The following CIC variants were observed in gnomAD, a reference collection of about 807,000 sequenced individuals.
CIC encodes capicua transcriptional repressor.
A neutral mutation model predicts 115.7 loss-of-function variants in CIC; 18 were observed. The observed-to-expected ratio is 0.16, with a 90% CI of 0.11 to 0.23. CIC has a LOEUF of 0.23. Among genes scored for constraint, CIC ranks in the 10% least tolerant of loss-of-function variants. The probability of loss-of-function intolerance (pLI) is 1.00; values close to 1 mark genes in which losing one functional copy is unlikely to be tolerated. For synonymous variants in CIC, 1,076 were observed against 923.0 expected, an observed-to-expected ratio of 1.17 and a Z score of -3.01; for missense variants, 2,000 against 2,159.3, an observed-to-expected ratio of 0.93 and a Z score of 1.46.
rs759035818 is a variant in CIC, at chr19:42,272,529, C to T, written c.746C>T (p.Ala249Val). ...ACTTTCTATGAGGGGGTGCCAGGCG[C>T]TGGTGTGGATGTAGTTTTGGATGCC... ...ALTFYEGVPG[A>V]GVDVVLDATP... Residue 249 changes from alanine (A) to valine (V), a missense_variant, in exon 2 of 21, where the codon GCT becomes GTT. Ala to Val is a moderately conservative substitution (Grantham distance 64). Around this residue, in one of 8 missense-constraint regions of CIC, gnomAD observed 222 missense variants for 247.7 expected, o/e 0.90. Transcript: ENST00000681038. 39 of 398,508 alleles carry T rather than the reference C, an allele frequency of 9.8e-5. No individual in the cohort carries two copies. Among genetic ancestry groups the T allele is most frequent in the Non-Finnish European group, 1.5e-4 (35 of 226,062 alleles). 24.7% of individuals were successfully genotyped at this position (398,508 alleles called of 1,614,324 possible). A position where few individuals can be genotyped will look rare whatever the true frequency, so the allele number is the denominator to read the frequency against.
chr19:42,290,108 C>T (rs1039762467), intron 10 of CIC, 125 bp from the exon 11 acceptor site: 11 of 1,467,028 alleles, frequency 7.5e-6, no homozygotes, highest in Non-Finnish European at 9.5e-6. Flanking sequence ...TGAATTGAGG[C>T]CTTCAGCTGG....
At chr19:42,292,036 C>G in intron 12 of CIC, 50 bp from the exon 13 acceptor site, 1 of 1,611,846 alleles carries the variant, frequency 6.2e-7, no homozygotes, top group South Asian at 1.1e-5. Flanking sequence ...TTCCCCTGCC[C>G]CAGTCTGGGG....
Position 42,291,586 on chromosome 19 carries a change from G to GC in CIC, c.5459dup (p.Gly1822TrpfsTer18). 1 of 1,612,934 alleles carries GC rather than the reference G, an allele frequency of 6.2e-7. No homozygotes were observed. Among genetic ancestry groups the GC allele is most frequent in the Non-Finnish European group, 8.5e-7 (1 of 1,179,990 alleles). On this transcript the variant is annotated frameshift_variant, in exon 12 of 21. Transcript: ENST00000681038. LOFTEE classifies it high-confidence loss of function. ...AGTCAGTTTCTCCCGTGCAGGCCCCGCCCCCGGGTGGCTCAGCCCAGCTGC... is the reference window on the plus strand; with the variant it reads ...AGTCAGTTTCTCCCGTGCAGGCCCCGCCCCCCGGGTGGCTCAGCCCAGCTGC...
intron 1 of CIC, among the ~76,000 whole-genome samples, 184 bp downstream of exon 1, chr19:42,269,565 G>A: frequency 6.7e-6 from 1 of 148,808 alleles, no homozygotes; most frequent in Non-Finnish European, 1.5e-5. Context: ...TGGGGGAGGG[G>A]GTGGTGGGCA....
At chr19:42,286,194 G>A (rs1390666915) in intron 2 of CIC, among the ~76,000 whole-genome samples, 5 of 152,182 alleles carry the variant, frequency 3.3e-5, no homozygotes, top group African/African-American at 4.8e-5. Flanking sequence ...TGTTTGTGGT[G>A]GGGGAGGAAG....
intron 2 of CIC, among the ~76,000 whole-genome samples, chr19:42,278,380 CTCTG>C (rs1257954838): frequency 6.6e-6 from 1 of 152,206 alleles, no homozygotes. Flanking sequence ...GGCGGTCTGG[CTCTG>C]TCTGTCTTAT....
intron 12 of CIC, 87 bp downstream of exon 12, chr19:42,291,832 T>C (rs962119103): frequency 7.4e-5 from 111 of 1,505,428 alleles, no homozygotes; most frequent in African/African-American, 1.1e-4. Flanking sequence ...CTTTTCTCCT[T>C]CTCCATGTAT....
At chr19:42,285,251 G>T (rs2037548887) in intron 2 of CIC, among the ~76,000 whole-genome samples, 1 of 152,098 alleles carries the variant, frequency 6.6e-6, no homozygotes, top group Admixed American at 6.5e-5. Context: ...CTGGGGAGGG[G>T]TTCAGGAGGG....
rs767155091 is a variant in CIC, at chr19:42,292,388, G to C, written c.5824G>C (p.Gly1942Arg). 6 of 1,612,726 alleles carry C rather than the reference G, an allele frequency of 3.7e-6. No homozygotes were observed. Among genetic ancestry groups the C allele is most frequent in the South Asian group, 2.2e-5 (2 of 91,078 alleles). Residue 1942 changes from glycine (G) to arginine (R), a missense_variant, in exon 14 of 21, where the codon GGG becomes CGG. Gly to Arg is a moderately radical substitution (Grantham distance 125). This residue lies in a region of CIC where 1,466 missense variants were observed against 1,390.4 expected (regional missense o/e 1.05). Transcript: ENST00000681038. ...SSQAGTVTSYGPTSSVALGFT... is the reference protein window; with the variant it reads ...SSQAGTVTSYRPTSSVALGFT... ...CCAGGCTGGAACAGTCACCTCGTAC[G>C]GGCCCACGAGCTCTGTAGCTCTAGG...
rs752366215 is a variant in CIC at position 42,288,980 on chromosome 19, C to T, written c.3751C>T (p.His1251Tyr). 6.8e-6 allele frequency: 11 copies of T among 1,614,040 alleles called. No individual in the cohort carries two copies. The Admixed American group carries it at 1.8e-4, about 27-fold the overall frequency. The change falls in exon 8 of 21, where the codon CAC becomes TAC. Residue 1251 changes from histidine (H) to tyrosine (Y), a missense_variant. Coordinates refer to ENST00000681038, the MANE Select transcript of CIC (RefSeq NM_001386298.1). ...GSSSCGAERLHTVGGPGSARP... is the reference protein window; with the variant it reads ...GSSSCGAERLYTVGGPGSARP... ...CAGCTCCTGTGGGGCAGAACGGCTA[C>T]ACACAGTTGGGGGACCTGGCTCAGC...
Position 42,292,411 on chromosome 19 carries a change from A to C in CIC, c.5847A>C (p.Leu1949=). Residue 1949 remains leucine (L), a synonymous_variant, in exon 14 of 21, where the codon CTA becomes CTC. Coordinates refer to ENST00000681038, the MANE Select transcript of CIC (RefSeq NM_001386298.1). ...TSYGPTSSVA[L]GFTSLGPSGP... ...ACGGGCCCACGAGCTCTGTAGCTCT[A>C]GGCTTCACCTCGCTGGGGCCCAGCG... The C allele has an allele frequency of 6.2e-7, 1 of 1,611,636 alleles. No homozygotes were observed. The highest frequency in any genetic ancestry group is 2.2e-5 in the East Asian group (1 of 44,812).
At position 42,287,748 on chromosome 19, in the gene CIC, C is replaced by T. The variant is rs2147202871; in HGVS notation, c.3492+21C>T. 1 of 1,614,192 alleles carries T rather than the reference C, an allele frequency of 6.2e-7. No individual in the cohort carries two copies. Among genetic ancestry groups the T allele is most frequent in the Non-Finnish European group, 8.5e-7 (1 of 1,180,042 alleles). ...TCCAGGTAACGCTGTTGCCTCTTGGCTCCTCCCAGCTTCTTCTGGTGGGGT... is the reference window on the plus strand; with the variant it reads ...TCCAGGTAACGCTGTTGCCTCTTGGTTCCTCCCAGCTTCTTCTGGTGGGGT... On this transcript the variant is annotated intron_variant, in intron 6 of 20. Coordinates refer to ENST00000681038, the MANE Select transcript of CIC (RefSeq NM_001386298.1). This position sits in a 1 kb window ranked among gnomAD's most constrained non-coding sequence, Gnocchi z 8.7.
At chr19:42,271,752 C>A (rs1428419775) in intron 1 of CIC, 22 bp from the exon 2 acceptor site, 1 of 398,592 alleles carries the variant, frequency 2.5e-6, no homozygotes, top group Non-Finnish European at 4.4e-6. Flanking sequence ...TCCGCGTAAT[C>A]CTCCGCTCTC....
chr19:42,292,033 G>A, intron 12 of CIC, 53 bp from the exon 13 acceptor site: 1 of 1,611,502 alleles, frequency 6.2e-7, no homozygotes, highest in African/African-American at 1.3e-5. Context: ...GTCTTCCCCT[G>A]CCCCAGTCTG....
In CIC at chr19:42,293,760, A is replaced by C; in HGVS notation, c.6691A>C (p.Lys2231Gln). The change falls in exon 17 of 21, where the codon AAG (lysine) becomes CAG (glutamine). Residue 2231 changes from lysine to glutamine, a missense_variant. Coordinates refer to ENST00000681038, the MANE Select transcript of CIC (RefSeq NM_001386298.1). Reference protein sequence around the residue: ...GRAAGDTPERKEAAGTGKKVK... With the variant: ...GRAAGDTPERQEAAGTGKKVK... ...GGCAGCCGGGGACACCCCGGAGCGC[A>C]AGGAGGCGGCTGGTACTGGCAAGAA... 3 of 1,612,840 alleles carry C rather than the reference A, an allele frequency of 1.9e-6. No individual in the cohort carries two copies. The highest frequency in any genetic ancestry group is 2.5e-6 in the Non-Finnish European group (3 of 1,179,776).
rs780935497 is a variant in CIC, at chr19:42,293,723, C to G, written c.6654C>G (p.Ser2218Arg). Residue 2218 changes from serine to arginine, a missense_variant, in exon 17 of 21, where the codon AGC (serine) becomes AGG (arginine). Around this residue, in one of 8 missense-constraint regions of CIC, gnomAD observed 1,466 missense variants for 1,390.4 expected, o/e 1.05. Coordinates refer to ENST00000681038, the MANE Select transcript of CIC (RefSeq NM_001386298.1). The stretch of plus-strand genomic sequence containing the variant: ...TAGCCCCTGGTGGCAGCAGCGAGAG[C>G]AGCAGTGGGCGGGCAGCCGGGGACA... ...PAVAPGGSSE[S>R]SSGRAAGDTP... The G allele has an allele frequency of 1.2e-6, 2 of 1,612,912 alleles. No homozygotes were observed. The highest frequency in any genetic ancestry group is 1.7e-6 in the Non-Finnish European group (2 of 1,179,806).
chr19:42,289,048 C>T lies in CIC; in HGVS notation c.3819C>T (p.Asp1273=), dbSNP rs747213131. The T allele has an allele frequency of 9.3e-6, 15 of 1,613,566 alleles. No individual in the cohort carries two copies. Among genetic ancestry groups the T allele is most frequent in the South Asian group, 2.2e-5 (2 of 91,092 alleles). The change falls in exon 8 of 21, where the codon GAC becomes GAT. Residue 1273 remains aspartate, a synonymous_variant. Transcript: ENST00000681038. ...AFSHSGVHSL[D]GGEVDSQALQ... The stretch of plus-strand genomic sequence containing the variant: ...CCCACAGCGGGGTACACAGCCTGGA[C>T]GGCGGAGAAGTAGACAGTCAGGCGC...
In CIC at chr19:42,287,079, C is replaced by T. The variant is rs777429315; in HGVS notation, c.3018C>T (p.Pro1006=). The change falls in exon 4 of 21, where the codon CCC becomes CCT. Residue 1006 remains proline, a synonymous_variant. Coordinates refer to ENST00000681038, the MANE Select transcript of CIC (RefSeq NM_001386298.1). This position sits in a 1 kb window ranked among gnomAD's most constrained non-coding sequence, Gnocchi z 8.7. ...GGTGSADPER[P]PGATCPESPG... ...CAGGGAGTGCTGACCCTGAGCGGCC[C>T]CCTGGAGCCACATGCCCTGAGAGCC... 4.1e-5 allele frequency: 66 copies of T among 1,613,148 alleles called. No individual in the cohort carries two copies. In the African/African-American group the frequency reaches 6.7e-4, roughly 16 times the overall value.
At chr19:42,283,935 C>CCG (rs977176852) in intron 2 of CIC, 2 of 150,732 alleles carry the variant, frequency 1.3e-5, no homozygotes, top group African/African-American at 2.4e-5. Context: ...GGGGCCTGAC[C>CCG]CGCGCGCGGC....
Sources: gnomAD v4.1 joint callset for allele counts (sites outside exome capture counted in the v4.1 genomes callset) on GRCh38, gnomAD v4.1.1 for gene constraint, gnomAD v4.1.1 regional missense constraint, Gnocchi (gnomAD v3.1) non-coding constraint, MANE v1.5 for transcripts, NCBI Gene and HGNC (gene_info 2026-07-23, HGNC 2026-07-21) for gene names.